ZNF423: variants seen among roughly 807,000 people sequenced by gnomAD.
The protein encoded by ZNF423 is Ebf-associated zinc finger protein.
A neutral mutation model predicts 95.8 loss-of-function variants in ZNF423; 12 were observed. That is an observed-to-expected ratio of 0.13 (90% CI 0.08 to 0.20). ZNF423 has a LOEUF of 0.20. ZNF423 is among the 10% of genes least tolerant of loss of function. ZNF423 has a pLI of 1.00. For missense variants in ZNF423, 1,316 were observed against 1,737.1 expected (o/e 0.76, Z 4.31); for synonymous variants, 749 against 711.9 (o/e 1.05, Z -0.83).
intron 5 of ZNF423, among the ~76,000 whole-genome samples, chr16:49,618,984 G>C (rs991535839): frequency 3.9e-5 from 6 of 152,130 alleles, no homozygotes; most frequent in African/African-American, 1.4e-4. Context: ...CTGCCTCAAA[G>C]TTTGTTCTGT....
At chr16:49,509,321 G>A (rs1239086902) in intron 7 of ZNF423, among the ~76,000 whole-genome samples, 4 of 152,124 alleles carry the variant, frequency 2.6e-5, no homozygotes, top group African/African-American at 9.7e-5. Flanking sequence ...TCATATTGCA[G>A]CCACACAGTG....
At chr16:49,578,934 G>GGT (rs1301883832) in intron 5 of ZNF423, among the ~76,000 whole-genome samples, 1 of 152,084 alleles carries the variant, frequency 6.6e-6, no homozygotes, top group Admixed American at 6.5e-5. Context: ...GGACTGAGAG[G>GGT]GTGTGTGTGT....
intron 2 of ZNF423, among the ~76,000 whole-genome samples, chr16:49,756,963 G>A (rs570612463): frequency 6.6e-6 from 1 of 152,168 alleles, no homozygotes; most frequent in East Asian, 1.9e-4. Context: ...CCAAAGTCCT[G>A]CCAAAAGACA....
At chr16:49,824,045 C>T (rs1341333548) in intron 1 of ZNF423, among the ~76,000 whole-genome samples, 1 of 152,204 alleles carries the variant, frequency 6.6e-6, no homozygotes, top group Non-Finnish European at 1.5e-5. Context: ...TGCCACGGCA[C>T]TCCAGCCTCG....
In ZNF423 at chr16:49,815,716, C is replaced by T. The variant is rs80220723; in HGVS notation, c.41-26170G>A. 7.9e-5 allele frequency among the ~76,000 whole-genome samples: 12 copies of T among 151,560 alleles called. No individual in the cohort carries two copies. The East Asian group carries it at 2.1e-3, about 27-fold the overall frequency. On this transcript the variant is annotated intron_variant, in intron 1 of 7. Transcript: ENST00000563137. ...AACAGGGAGTCATAGGTACGAGGAACAGAGCACGCAGGCTTGGGTATAAGC... is the reference window on the plus strand; with the variant it reads ...AACAGGGAGTCATAGGTACGAGGAATAGAGCACGCAGGCTTGGGTATAAGC...
intron 3 of ZNF423, among the ~76,000 whole-genome samples, chr16:49,712,264 G>A (rs59852691): frequency 0.11 from 17,389 of 152,256 alleles, 1,243 homozygotes; most frequent in Non-Finnish European, 0.17. Flanking sequence ...GGCCTGCATT[G>A]GTCACAGAAG....
chr16:49,676,742 G>A (rs754424762), intron 3 of ZNF423, among the ~76,000 whole-genome samples: 6 of 152,250 alleles, frequency 3.9e-5, no homozygotes, highest in Non-Finnish European at 8.8e-5. Flanking sequence ...AACCACATCA[G>A]TTGAACAACT....
At position 49,585,773 on chromosome 16, in the gene ZNF423, T is replaced by A. The variant is rs368212689; in HGVS notation, c.3601+40397A>T. The stretch of plus-strand genomic sequence containing the variant: ...TAATGATATGAATACAATGAGTGCT[T>A]ATAAGGGATAATTACAAGGTGTCCG... On this transcript the variant is annotated intron_variant, in intron 5 of 7. Transcript: ENST00000563137. Among the ~76,000 whole-genome samples the A allele has an allele frequency of 1.3e-4, 20 of 152,246 alleles. No individual in the cohort carries two copies. The South Asian group carries it at 3.9e-3, about 30-fold the overall frequency.
At chr16:49,789,576 A>G in intron 1 of ZNF423, 30 bp from the exon 2 acceptor site, 1 of 1,606,300 alleles carries the variant, frequency 6.2e-7, no homozygotes, top group East Asian at 2.3e-5. Context: ...TGGGCCTGTG[A>G]GTTTGAAGGC....
At chr16:49,794,328 TA>T (rs1017031451) in intron 1 of ZNF423, among the ~76,000 whole-genome samples, 1 of 150,886 alleles carries the variant, frequency 6.6e-6, no homozygotes, top group African/African-American at 2.4e-5. Context: ...CTTGGCCTCC[TA>T]AAGTGCTGGG....
chr16:49,535,077 A>AC (rs35159095), intron 5 of ZNF423, among the ~76,000 whole-genome samples: 1 of 151,656 alleles, frequency 6.6e-6, no homozygotes, highest in Admixed American at 6.6e-5. Flanking sequence ...AGCTGCATGC[A>AC]CCCCCCAACC....
At chr16:49,507,490 CG>C (rs201703685) in intron 7 of ZNF423, among the ~76,000 whole-genome samples, 3 of 122,964 alleles carry the variant, frequency 2.4e-5, no homozygotes, top group Admixed American at 7.8e-5. Context: ...ACAAAGATGG[CG>C]CCACAGGTCA....
At chr16:49,685,379 A>C (rs866489701) in intron 3 of ZNF423, among the ~76,000 whole-genome samples, 40 of 152,330 alleles carry the variant, frequency 2.6e-4, no homozygotes, top group Middle Eastern at 6.8e-3. Context: ...GCTCACATGC[A>C]GCATGGGGTC....
chr16:49,647,925 T>G (rs1361646777), intron 3 of ZNF423, among the ~76,000 whole-genome samples: 1 of 152,202 alleles, frequency 6.6e-6, no homozygotes, highest in Admixed American at 6.5e-5. Context: ...GAAGTGGCTC[T>G]GGAATTGGGC....
chr16:49,677,285 A>T (rs571297900), intron 3 of ZNF423, among the ~76,000 whole-genome samples: 4 of 87,518 alleles, frequency 4.6e-5, no homozygotes, highest in African/African-American at 1.8e-4. Flanking sequence ...AGAGAAGAGA[A>T]GAGAAGAGAA....
intron 3 of ZNF423, among the ~76,000 whole-genome samples, chr16:49,727,499 C>T (rs35255388): frequency 0.034 from 5,237 of 151,820 alleles, 292 homozygotes; most frequent in African/African-American, 0.12. Flanking sequence ...TCAACACCAC[C>T]CCAACTGCCA....
intron 7 of ZNF423, among the ~76,000 whole-genome samples, chr16:49,519,335 C>T (rs899552691): frequency 1.3e-5 from 2 of 152,124 alleles, no homozygotes; most frequent in Non-Finnish European, 2.9e-5. Flanking sequence ...GGTAAATGAA[C>T]GTTTAACTTT....
At chr16:49,508,117 C>T (rs528167725) in intron 7 of ZNF423, among the ~76,000 whole-genome samples, 8 of 152,262 alleles carry the variant, frequency 5.3e-5, no homozygotes, top group African/African-American at 1.7e-4. Flanking sequence ...ATATTAGAGG[C>T]ATTGTGAGGA....
intron 2 of ZNF423, among the ~76,000 whole-genome samples, chr16:49,739,289 G>C (rs559945169): frequency 1.3e-5 from 2 of 152,356 alleles, no homozygotes; most frequent in African/African-American, 4.8e-5. Flanking sequence ...AAACCAACAT[G>C]TGCAGCATCG....
Sources: allele counts gnomAD v4.1 joint callset (sites outside exome capture counted in the v4.1 genomes callset), GRCh38; gene constraint gnomAD v4.1.1; transcripts MANE v1.5; gene names NCBI Gene and HGNC (gene_info 2026-07-23, HGNC 2026-07-21).